The following STK3 variants were observed in gnomAD, a reference collection of about 807,000 sequenced individuals.
STK3 encodes the protein serine/threonine kinase 3, also known as serine/threonine-protein kinase 3.
STK3 carries 41 observed loss-of-function variants against 58.0 expected under a neutral mutation model. The ratio of observed to expected loss-of-function variants is 0.71; its 90% confidence interval spans 0.55 to 0.92. STK3 has a LOEUF of 0.92. STK3 is among the 40% of genes least tolerant of loss of function. STK3 has a pLI of 0.00. For missense variants in STK3, 479 were observed against 602.7 expected, an observed-to-expected ratio of 0.79 and a Z score of 2.15; for synonymous variants, 170 against 191.0, an observed-to-expected ratio of 0.89 and a Z score of 0.91.
At chr8:98,822,139 T>C (rs1265814633) in intron 1 of STK3, among the ~76,000 whole-genome samples, 4 of 152,146 alleles carry the variant, frequency 2.6e-5, no homozygotes, top group Non-Finnish European at 4.4e-5. Flanking sequence ...ATCCAATTCA[T>C]GTCAGTGATT....
chr8:98,697,248 TTTC>T, intron 6 of STK3, among the ~76,000 whole-genome samples: 1 of 152,334 alleles, frequency 6.6e-6, no homozygotes, highest in East Asian at 1.9e-4. Flanking sequence ...TCTTCTCTCT[TTTC>T]TTCTTTATTA....
chr8:98,868,293 A>G (rs1283074250), intron 3 of STK3, among the ~76,000 whole-genome samples: 1 of 152,232 alleles, frequency 6.6e-6, no homozygotes, highest in African/African-American at 2.4e-5. Flanking sequence ...AAGAAGTCTC[A>G]GTTGAGTTTT....
chr8:98,585,702 A>G (rs1007508631), intron 7 of STK3, among the ~76,000 whole-genome samples: 1 of 151,730 alleles, frequency 6.6e-6, no homozygotes, highest in African/African-American at 2.4e-5. Context: ...GGCCTTTTTC[A>G]CGATATTGAT....
chr8:98,786,695 A>C (rs367620733), intron 1 of STK3, among the ~76,000 whole-genome samples: 12 of 152,228 alleles, frequency 7.9e-5, no homozygotes, highest in Admixed American at 2.6e-4. Context: ...AAAGAGAAAA[A>C]GCAAACAACC....
At chr8:98,782,204 G>A (rs891569447) in intron 1 of STK3, 8 of 190,640 alleles carry the variant, frequency 4.2e-5, no homozygotes, top group African/African-American at 1.4e-4. Flanking sequence ...ATAAGCCTGC[G>A]ACTGTCCGTT....
chr8:98,888,507 A>G (rs942252134), intron 1 of STK3, among the ~76,000 whole-genome samples: 3 of 152,140 alleles, frequency 2.0e-5, no homozygotes, highest in Non-Finnish European at 4.4e-5. Context: ...CTAAATCAAC[A>G]GTTTTCAAAC....
intron 4 of STK3, among the ~76,000 whole-genome samples, chr8:98,716,508 C>T (rs1021770862): frequency 6.6e-6 from 1 of 151,790 alleles, no homozygotes; most frequent in Admixed American, 6.6e-5. Flanking sequence ...AACTACAAAA[C>T]ACTGCTGAAA....
At chr8:98,429,087 G>A (rs751437110) in intron 3 of STK3, 9 of 1,613,352 alleles carry the variant, frequency 5.6e-6, no homozygotes, top group Non-Finnish European at 6.8e-6. Flanking sequence ...GTGGGCTACC[G>A]TCAGTATGAC....
intron 9 of STK3, among the ~76,000 whole-genome samples, chr8:98,530,812 C>T (rs372198619): frequency 2.8e-4 from 43 of 152,356 alleles, no homozygotes; most frequent in African/African-American, 9.4e-4. Context: ...ATTCTAAGTC[C>T]TTTGTTGTCA....
chr8:98,749,187 A>C (rs1829816766), intron 4 of STK3, 89 bp downstream of exon 4: 5 of 1,008,720 alleles, frequency 5.0e-6, no homozygotes, highest in Non-Finnish European at 7.5e-6. Flanking sequence ...TCATGCTATT[A>C]TTTTCTGTGT....
intron 10 of STK3, among the ~76,000 whole-genome samples, chr8:98,459,950 G>A (rs1324468648): frequency 6.6e-6 from 1 of 152,214 alleles, no homozygotes; most frequent in Non-Finnish European, 1.5e-5. Flanking sequence ...AGGGAAATGT[G>A]GGGTTGGAGA....
At chr8:98,903,544 CTTCTTCTTCTTCCTTTT>C (rs1254409069) in intron 1 of STK3, among the ~76,000 whole-genome samples, 3 of 25,352 alleles carry the variant, frequency 1.2e-4, no homozygotes, top group Admixed American at 6.2e-4. Context: ...TCTTCTTCTT[CTTCTTCTTCTTCCTTTT>C]TTTTTTTTTA....
chr8:98,536,851 G>T (rs187176836), intron 9 of STK3, among the ~76,000 whole-genome samples: 3 of 152,342 alleles, frequency 2.0e-5, no homozygotes, highest in Admixed American at 2.0e-4. Flanking sequence ...GCAATCTGCA[G>T]TTTCACTGCA....
chr8:98,554,093 A>G (rs887266014), intron 8 of STK3, among the ~76,000 whole-genome samples: 1 of 152,180 alleles, frequency 6.6e-6, no homozygotes. Flanking sequence ...AATTCTAGGC[A>G]GGTCTAATTC....
intron 3 of STK3, among the ~76,000 whole-genome samples, chr8:98,848,448 C>T (rs1029460117): frequency 6.6e-6 from 1 of 152,060 alleles, no homozygotes; most frequent in Non-Finnish European, 1.5e-5. Flanking sequence ...GGGGCTTCTC[C>T]GTGTTGGTAA....
chr8:98,502,112 G>A (rs1044832143), intron 10 of STK3, among the ~76,000 whole-genome samples: 8 of 152,124 alleles, frequency 5.3e-5, no homozygotes, highest in Non-Finnish European at 1.2e-4. Flanking sequence ...CCTTGAAAAG[G>A]TCCTTCATAT....
chr8:98,726,302 G>C (rs746887556), intron 4 of STK3, among the ~76,000 whole-genome samples: 10 of 152,314 alleles, frequency 6.6e-5, no homozygotes, highest in Middle Eastern at 3.4e-3. Context: ...AGAAGGGATA[G>C]TCTATGTAGG....
Position 98,696,467 on chromosome 8 carries a change from C to G in STK3, c.684+10000G>C, listed in dbSNP as rs1267230868. The stretch of plus-strand genomic sequence containing the variant: ...AAAGGGAATGCTTCCAGTTTTTGCC[C>G]ATTCAGTATGATATTGGCTGTGGGT... On this transcript the variant is annotated intron_variant, in intron 6 of 10. Transcript: ENST00000419617. Among the ~76,000 whole-genome samples the G allele has an allele frequency of 9.2e-3, 1,388 of 151,560 alleles. 17 individuals carry two copies. The highest frequency in any genetic ancestry group is 0.032 in the African/African-American group (1,313 of 41,290).
At chr8:98,565,402 T>A (rs1299480608) in intron 8 of STK3, among the ~76,000 whole-genome samples, 1 of 152,136 alleles carries the variant, frequency 6.6e-6, no homozygotes. Flanking sequence ...TTAGAGGTAA[T>A]AAAGCATATA....
Sources: allele counts gnomAD v4.1 joint callset (sites outside exome capture counted in the v4.1 genomes callset), GRCh38; gene constraint gnomAD v4.1.1; transcripts MANE v1.5; gene names NCBI Gene and HGNC (gene_info 2026-07-23, HGNC 2026-07-21).